ZNF704: variants seen among roughly 807,000 people sequenced by gnomAD.
The protein encoded by ZNF704 is zinc finger protein 704.
ZNF704 carries 10 observed loss-of-function variants against 44.7 expected under a neutral mutation model. The ratio of observed to expected loss-of-function variants is 0.22; its 90% confidence interval spans 0.14 to 0.38. The LOEUF (loss-of-function observed/expected upper bound fraction) is 0.38. Among genes scored for constraint, ZNF704 ranks in the 10% least tolerant of loss-of-function variants. The pLI is 1.00. For synonymous variants in ZNF704, 211 were observed against 207.6 expected (o/e 1.02, Z -0.14); for missense variants, 390 against 545.5 (o/e 0.71, Z 2.84).
intron 2 of ZNF704, among the ~76,000 whole-genome samples, chr8:80,805,364 T>C (rs1352864852): frequency 2.0e-5 from 3 of 152,152 alleles, no homozygotes; most frequent in Non-Finnish European, 4.4e-5. Context: ...CTGGAATCCA[T>C]ACCTACTCAA....
intron 2 of ZNF704, among the ~76,000 whole-genome samples, chr8:80,734,291 A>C (rs932370435): frequency 3.9e-5 from 6 of 152,258 alleles, no homozygotes; most frequent in Non-Finnish European, 8.8e-5. Flanking sequence ...AGTCATATGG[A>C]AAGGTCCACA....
At chr8:80,761,640 C>T (rs1033567523) in intron 2 of ZNF704, among the ~76,000 whole-genome samples, 7 of 152,096 alleles carry the variant, frequency 4.6e-5, no homozygotes, top group African/African-American at 1.7e-4. Context: ...TGAGAAACAT[C>T]TAAAAACATG....
In ZNF704 at chr8:80,720,652, T is replaced by C. The variant is rs754642351; in HGVS notation, c.222-27545A>G. On this transcript the variant is annotated intron_variant, in intron 2 of 8. Coordinates refer to ENST00000327835, the MANE Select transcript of ZNF704 (RefSeq NM_001033723.3). ...CTGTCAAAACCATGGATGGGTGGGC[T>C]ACAGGAAACCAACAGAAATCTCCTC... is the stretch of plus-strand genomic sequence containing the variant. 9.8e-5 allele frequency among the ~76,000 whole-genome samples: 15 copies of C among 152,328 alleles called. No homozygotes were observed. In the East Asian group the frequency reaches 1.4e-3, roughly 14 times the overall value.
chr8:80,768,115 T>G (rs1384101943), intron 2 of ZNF704, among the ~76,000 whole-genome samples: 1 of 151,852 alleles, frequency 6.6e-6, no homozygotes, highest in African/African-American at 2.4e-5. Flanking sequence ...CAAGATAGTG[T>G]GAGGAGAAAA....
At position 80,694,564 on chromosome 8, in the gene ZNF704, C is replaced by G. The variant is rs77810053; in HGVS notation, c.222-1457G>C. On this transcript the variant is annotated intron_variant, in intron 2 of 8. Coordinates refer to ENST00000327835, the MANE Select transcript of ZNF704 (RefSeq NM_001033723.3). ...TGGCTTTCATTCACAGGTGTGCTGT[C>G]TAATTTGTAAAAGCAATGAACTCTT... 5.9e-3 allele frequency among the ~76,000 whole-genome samples: 902 copies of G among 152,254 alleles called. 9 individuals are homozygous for G. Among genetic ancestry groups the G allele is most frequent in the African/African-American group, 0.021 (868 of 41,550 alleles).
chr8:80,877,302 T>C (rs1809368601), upstream of ZNF704, among the ~76,000 whole-genome samples: 1 of 150,450 alleles, frequency 6.6e-6, no homozygotes, highest in African/African-American at 2.5e-5. Context: ...ATGAGAAGGA[T>C]CTGTTCAGGC....
intron 2 of ZNF704, among the ~76,000 whole-genome samples, chr8:80,700,036 C>T (rs2131643475): frequency 6.6e-6 from 1 of 152,324 alleles, no homozygotes; most frequent in South Asian, 2.1e-4. Flanking sequence ...TCTCCCTTCA[C>T]CCACATGCAA....
intron 1 of ZNF704, among the ~76,000 whole-genome samples, chr8:80,852,209 G>A (rs987518192): frequency 6.6e-5 from 10 of 152,154 alleles, no homozygotes; most frequent in African/African-American, 2.4e-4. Context: ...AAAAGGAAGG[G>A]CAGGAATGCA....
chr8:80,687,763 G>T (rs1466005529), intron 3 of ZNF704, among the ~76,000 whole-genome samples: 1 of 152,148 alleles, frequency 6.6e-6, no homozygotes, highest in Admixed American at 6.5e-5. Context: ...TGAAAAAAAA[G>T]ATTTTCTTGT....
At chr8:80,689,272 A>G (rs1818592087) in intron 3 of ZNF704, among the ~76,000 whole-genome samples, 1 of 152,208 alleles carries the variant, frequency 6.6e-6, no homozygotes, top group African/African-American at 2.4e-5. Context: ...ATGGATTTCT[A>G]CCATATTCCT....
chr8:80,832,197 T>C (rs1283653886), intron 1 of ZNF704, among the ~76,000 whole-genome samples: 1 of 152,202 alleles, frequency 6.6e-6, no homozygotes, highest in East Asian at 1.9e-4. Flanking sequence ...AAATATGATA[T>C]ACTTGGGGAA....
intron 2 of ZNF704, among the ~76,000 whole-genome samples, chr8:80,756,302 A>G (rs897040031): frequency 1.3e-5 from 2 of 152,180 alleles, no homozygotes; most frequent in Non-Finnish European, 2.9e-5. Context: ...ACTACAATGG[A>G]AACAATGATA....
At chr8:80,669,620 TGG>T (rs371819192) in intron 5 of ZNF704, among the ~76,000 whole-genome samples, 2 of 152,370 alleles carry the variant, frequency 1.3e-5, no homozygotes, top group African/African-American at 4.8e-5. Context: ...TATCCCTTGC[TGG>T]GTAAAGTGAC....
intron 1 of ZNF704, among the ~76,000 whole-genome samples, chr8:80,822,643 AC>A (rs1403211616): frequency 1.3e-5 from 2 of 152,260 alleles, no homozygotes; most frequent in Middle Eastern, 3.4e-3. Context: ...CAATGGTTGA[AC>A]TAGTTTACAG....
intron 2 of ZNF704, among the ~76,000 whole-genome samples, chr8:80,805,794 G>C (rs929930769): frequency 2.6e-5 from 4 of 152,092 alleles, no homozygotes; most frequent in African/African-American, 9.7e-5. Flanking sequence ...ATGAAAATAT[G>C]CCTGACTTTG....
intron 2 of ZNF704, among the ~76,000 whole-genome samples, chr8:80,757,031 A>G (rs1006826529): frequency 6.6e-6 from 1 of 152,228 alleles, no homozygotes; most frequent in Non-Finnish European, 1.5e-5. Flanking sequence ...GAGCTGAAAA[A>G]TTCCTATTGA....
intron 1 of ZNF704, among the ~76,000 whole-genome samples, chr8:80,826,391 C>A (rs1291680600): frequency 6.6e-6 from 1 of 152,126 alleles, no homozygotes; most frequent in Non-Finnish European, 1.5e-5. Context: ...GAAGTTGAAT[C>A]CCTGAATAGA....
chr8:80,665,869 C>A (rs1818182400), intron 5 of ZNF704, among the ~76,000 whole-genome samples: 1 of 151,572 alleles, frequency 6.6e-6, no homozygotes, highest in Non-Finnish European at 1.5e-5. Context: ...GAGACCTCCT[C>A]AGCCATACTT....
At chr8:80,745,344 T>C (rs1228503666) in intron 2 of ZNF704, among the ~76,000 whole-genome samples, 2 of 152,304 alleles carry the variant, frequency 1.3e-5, no homozygotes, top group African/African-American at 2.4e-5. Context: ...ATAGTCAAGA[T>C]AGAGAAATTT....
Sources: gnomAD v4.1 joint callset for allele counts (sites outside exome capture counted in the v4.1 genomes callset) on GRCh38, gnomAD v4.1.1 for gene constraint, MANE v1.5 for transcripts, NCBI Gene and HGNC (gene_info 2026-07-23, HGNC 2026-07-21) for gene names.